Variants in TMEM233 observed in about 807,000 individuals in gnomAD.
The protein encoded by TMEM233 is dispanin subfamily B member 2.
Under a neutral mutation model 11.2 loss-of-function variants are expected in TMEM233, and 6 were observed. That is an observed-to-expected ratio of 0.54 (90% CI 0.29 to 1.06). The LOEUF (loss-of-function observed/expected upper bound fraction) is 1.06, where lower values mean the gene tolerates loss of function less well. Ranked by LOEUF, TMEM233 falls within the 50% of genes least tolerant of loss-of-function variation. TMEM233 has a pLI of 0.08. For missense variants in TMEM233, 127 were observed against 144.7 expected (o/e 0.88, Z 0.63); for synonymous variants, 59 against 55.8 (o/e 1.06, Z -0.26).
chr12:119,618,194 A>G (rs1824500095), intron 1 of TMEM233, among the ~76,000 whole-genome samples: 2 of 152,252 alleles, frequency 1.3e-5, no homozygotes, highest in Non-Finnish European at 2.9e-5. Flanking sequence ...TGTGCAGAAG[A>G]CAATAACTGA....
chr12:119,649,875 AG>A, the TMEM233 span, among the ~76,000 whole-genome samples: 6 of 148,436 alleles, frequency 4.0e-5, no homozygotes, highest in African/African-American at 1.5e-4. Context: ...AAAAAAAAAA[AG>A]GGCCGGGCGC....
At chr12:119,605,832 T>C (rs1954269210) in intron 1 of TMEM233, among the ~76,000 whole-genome samples, 1 of 152,118 alleles carries the variant, frequency 6.6e-6, no homozygotes, top group South Asian at 2.1e-4. Context: ...ATACTCTCAA[T>C]CAAGCCTGGC....
At chr12:119,602,895 G>A (rs1201666288) in intron 1 of TMEM233, among the ~76,000 whole-genome samples, 1 of 152,234 alleles carries the variant, frequency 6.6e-6, no homozygotes, top group East Asian at 1.9e-4. Flanking sequence ...TGGGTTATGG[G>A]AACATGGGGA....
Position 119,607,171 on chromosome 12 carries a change from G to A in TMEM233, c.186+13137G>A, listed in dbSNP as rs940390123. On this transcript the variant is annotated intron_variant, in intron 1 of 2. Coordinates refer to ENST00000426426, the MANE Select transcript of TMEM233 (RefSeq NM_001136534.3). The stretch of plus-strand genomic sequence containing the variant: ...AGTAGCAGGATTCTGGACAGTTACA[G>A]TATAAAGAGTTATAATATGTAGAGC... Among the ~76,000 whole-genome samples the A allele has an allele frequency of 3.9e-5, 6 of 152,302 alleles. No homozygotes were observed. The East Asian group carries it at 5.8e-4, about 15-fold the overall frequency.
chr12:119,640,256 G>A (rs992681572), intron 2 of TMEM233, among the ~76,000 whole-genome samples: 3 of 152,276 alleles, frequency 2.0e-5, no homozygotes, highest in East Asian at 1.9e-4. Flanking sequence ...CCGGGTTCAC[G>A]CCATTCTCCT....
downstream of TMEM233, among the ~76,000 whole-genome samples, chr12:119,647,669 G>A (rs1364732480): frequency 2.0e-5 from 3 of 151,968 alleles, no homozygotes; most frequent in Non-Finnish European, 2.9e-5. Context: ...GGTTTGTTAC[G>A]TAGGTATATG....
chr12:119,648,899 T>C, the TMEM233 span, among the ~76,000 whole-genome samples: 1 of 152,220 alleles, frequency 6.6e-6, no homozygotes, highest in Non-Finnish European at 1.5e-5. Context: ...AACCAAGGTA[T>C]TGGCTGTAAA....
intron 1 of TMEM233, among the ~76,000 whole-genome samples, chr12:119,606,801 G>T (rs1954289451): frequency 6.6e-6 from 1 of 152,202 alleles, no homozygotes; most frequent in Non-Finnish European, 1.5e-5. Context: ...CAGAGTAACT[G>T]CTTAATATTC....
At position 119,595,227 on chromosome 12, in the gene TMEM233, C is replaced by T. The variant is rs1206478443; in HGVS notation, c.186+1193C>T. Among the ~76,000 whole-genome samples, 1 of 152,220 alleles carries T rather than the reference C, an allele frequency of 6.6e-6. No homozygotes were observed. Among genetic ancestry groups the T allele is most frequent in the East Asian group, 1.9e-4 (1 of 5,176 alleles). ...GGTGAGGTTCGTACCGGCACTGTCC[C>T]GGGACAACCCTTGCAGTTGCGCTCC... On this transcript the variant is annotated intron_variant, in intron 1 of 2. Transcript: ENST00000426426. This position sits in a 1 kb window ranked among gnomAD's most constrained non-coding sequence, Gnocchi z 4.3.
intron 1 of TMEM233, among the ~76,000 whole-genome samples, chr12:119,623,488 G>T (rs962704512): frequency 1.3e-5 from 2 of 150,918 alleles, no homozygotes; most frequent in African/African-American, 4.9e-5. Flanking sequence ...CAGGTGGACT[G>T]CTTGAGGTCA....
chr12:119,595,248 G>A lies in TMEM233; in HGVS notation c.186+1214G>A, dbSNP rs1954016693. On this transcript the variant is annotated intron_variant, in intron 1 of 2. Transcript: ENST00000426426. The surrounding 1 kb of genome is among the most constrained non-coding windows in gnomAD (Gnocchi z 4.3). ...GTCCCGGGACAACCCTTGCAGTTGC[G>A]CTCCCTCCCCCACCGGCTCACCTCG... 6.6e-6 allele frequency among the ~76,000 whole-genome samples: 1 copy of A among 152,188 alleles called. No individual in the cohort carries two copies. Among genetic ancestry groups the A allele is most frequent in the Non-Finnish European group, 1.5e-5 (1 of 68,040 alleles).
rs1954935730 is a variant in TMEM233 at position 119,634,330 on chromosome 12, G to A, written c.323+4458G>A. 4.2e-6 allele frequency: 4 copies of A among 953,416 alleles called. No homozygotes were observed. The South Asian group carries it at 1.5e-4, about 35-fold the overall frequency. 59.1% of individuals were successfully genotyped at this position (953,416 alleles called of 1,614,324 possible). A position where few individuals can be genotyped will look rare whatever the true frequency, so the allele number is the denominator to read the frequency against. ...TATTCATTCCAAAATGCTGTCTCGGGGCTGGGTGTGGTGGCTCACACCTGT... is the reference window on the plus strand; with the variant it reads ...TATTCATTCCAAAATGCTGTCTCGGAGCTGGGTGTGGTGGCTCACACCTGT... On this transcript the variant is annotated intron_variant, in intron 2 of 2. Transcript: ENST00000426426.
chr12:119,623,674 G>A (rs2136749731), intron 1 of TMEM233, among the ~76,000 whole-genome samples: 1 of 152,168 alleles, frequency 6.6e-6, no homozygotes, highest in Non-Finnish European at 1.5e-5. Context: ...GAAGATTCTG[G>A]TACACCCCAA....
chr12:119,647,116 A>C (rs969586359), downstream of TMEM233, among the ~76,000 whole-genome samples: 6 of 152,058 alleles, frequency 3.9e-5, no homozygotes, highest in Non-Finnish European at 5.9e-5. Flanking sequence ...GGCTAGTCTC[A>C]AACTTCTGGC....
intron 1 of TMEM233, among the ~76,000 whole-genome samples, chr12:119,605,738 C>T (rs1211559201): frequency 1.3e-5 from 2 of 152,002 alleles, no homozygotes; most frequent in Admixed American, 1.3e-4. Context: ...CCTGCCTTAC[C>T]CTTTGATAGG....
chr12:119,616,584 G>T (rs757061836), intron 1 of TMEM233, among the ~76,000 whole-genome samples: 2 of 152,130 alleles, frequency 1.3e-5, no homozygotes, highest in Non-Finnish European at 2.9e-5. Context: ...GACTTACAAG[G>T]AGTCACAGGG....
intron 1 of TMEM233, among the ~76,000 whole-genome samples, chr12:119,617,088 C>T (rs767120157): frequency 5.9e-5 from 9 of 151,922 alleles, no homozygotes; most frequent in Non-Finnish European, 1.2e-4. Flanking sequence ...ATAAAGATAC[C>T]AGAAAATGTG....
At chr12:119,615,044 T>TA (rs748442008) in intron 1 of TMEM233, among the ~76,000 whole-genome samples, 3 of 151,348 alleles carry the variant, frequency 2.0e-5, no homozygotes, top group Non-Finnish European at 4.4e-5. Context: ...GAACCTTCAA[T>TA]AAAAAAGTTC....
the TMEM233 span, among the ~76,000 whole-genome samples, chr12:119,649,933 C>T: frequency 1.4e-5 from 2 of 146,740 alleles, no homozygotes; most frequent in Non-Finnish European, 3.0e-5. Context: ...CCGAGGTGAG[C>T]GGATCACGAG....
Sources: gnomAD v4.1 joint callset for allele counts (sites outside exome capture counted in the v4.1 genomes callset) on GRCh38, gnomAD v4.1.1 for gene constraint, Gnocchi (gnomAD v3.1) non-coding constraint, MANE v1.5 for transcripts, NCBI Gene and HGNC (gene_info 2026-07-23, HGNC 2026-07-21) for gene names.